JPT1: variants seen among roughly 807,000 people sequenced by gnomAD.
JPT1 encodes the protein androgen-regulated protein 2.
JPT1 carries 5 observed loss-of-function variants against 17.0 expected under a neutral mutation model. That is an observed-to-expected ratio of 0.29 (90% CI 0.15 to 0.62). JPT1 has a LOEUF of 0.62. JPT1 is among the 20% of genes least tolerant of loss of function. The pLI is 0.85. For missense variants in JPT1, 158 were observed against 188.1 expected (o/e 0.84, Z 0.94); for synonymous variants, 71 against 73.6 (o/e 0.96, Z 0.18).
rs752716132 is a variant in JPT1, at chr17:75,148,557, T to C, written c.171A>G (p.Glu57=). ...MASNIFGTPE[E]NQASWAKSAG... is the part of the protein sequence containing the mutation. The stretch of plus-strand genomic sequence containing the variant: ...CTGACTTGGCCCAAGAAGCTTGATT[T>C]TCTTCAGGTGTCCCAAAGATATTAG... The change falls in exon 2 of 5, where the codon GAA becomes GAG. Residue 57 remains glutamate (E), a synonymous_variant. Transcript: ENST00000409753. The C allele has an allele frequency of 1.9e-6, 3 of 1,614,106 alleles. No individual in the cohort carries two copies. The highest frequency in any genetic ancestry group is 2.5e-6 in the Non-Finnish European group (3 of 1,180,056).
At chr17:75,149,361 T>G (rs2074500866) in intron 1 of JPT1, among the ~76,000 whole-genome samples, 1 of 152,072 alleles carries the variant, frequency 6.6e-6, no homozygotes, top group Admixed American at 6.6e-5. Context: ...TCTCAAAATG[T>G]AAAAAGTAAA....
intron 4 of JPT1, 159 bp downstream of exon 4, chr17:75,146,480 GTTTTTTCCCTTCTATTATGTTTCTAGC>G: frequency 1.9e-6 from 1 of 520,634 alleles, no homozygotes; most frequent in Non-Finnish European, 3.5e-6. Context: ...AGGATTCTCT[GTTTTTTCCCTTCTATTATGTTTCTAGC>G]ATTGATCGCG....
intron 1 of JPT1, 106 bp from the exon 2 acceptor site, chr17:75,148,777 T>C: frequency 7.7e-7 from 1 of 1,290,586 alleles, no homozygotes. Context: ...TTCATCTCCC[T>C]CACCCCTACA....
intron 4 of JPT1, among the ~76,000 whole-genome samples, chr17:75,142,281 C>T (rs771696330): frequency 7.3e-5 from 11 of 151,278 alleles, no homozygotes; most frequent in South Asian, 4.2e-4. Context: ...TAGAACCGGC[C>T]GGGCCTGGTG....
intron 1 of JPT1, 92 bp downstream of exon 1, chr17:75,154,250 G>A (rs556830938): frequency 4.0e-4 from 422 of 1,066,494 alleles, no homozygotes; most frequent in Non-Finnish European, 4.9e-4. Flanking sequence ...CACGGGGCTC[G>A]TTACCCGCAA....
intron 4 of JPT1, among the ~76,000 whole-genome samples, chr17:75,141,515 T>C (rs1385940855): frequency 1.3e-5 from 2 of 151,072 alleles, no homozygotes; most frequent in Admixed American, 6.6e-5. Context: ...TAGCTAGGCA[T>C]GGTGGTGCAT....
chr17:75,144,807 C>T (rs563295161), intron 4 of JPT1, among the ~76,000 whole-genome samples: 3 of 152,126 alleles, frequency 2.0e-5, no homozygotes, highest in Admixed American at 1.3e-4. Context: ...CACTGATTGG[C>T]GTGTGGGGAG....
chr17:75,145,265 G>C (rs971597816), intron 4 of JPT1: 4 of 151,456 alleles, frequency 2.6e-5, no homozygotes, highest in African/African-American at 9.7e-5. Flanking sequence ...GTCCTTGTAA[G>C]CACACCACAA....
chr17:75,149,854 TACACACTTACAC>T lies in JPT1; in HGVS notation c.57-1195_57-1184del, dbSNP rs991916917. Among the ~76,000 whole-genome samples the T allele has an allele frequency of 8.6e-4, 47 of 54,442 alleles. 1 individual carries two copies. The highest frequency in any genetic ancestry group is 1.8e-3 in the African/African-American group (42 of 23,378). 35.7% of individuals were successfully genotyped at this position (54,442 alleles called of 152,430 possible). A position where few individuals can be genotyped will look rare whatever the true frequency, so the allele number is the denominator to read the frequency against. ...AGTGAGATCCCCATCTCTAATCACT[TACACACTTACAC>T]ACACACACACACACACACTTAAGTC... On this transcript the variant is annotated intron_variant, in intron 1 of 4. Transcript: ENST00000409753.
At chr17:75,150,843 C>CTTTCT (rs1399849308) in intron 1 of JPT1, among the ~76,000 whole-genome samples, 1 of 111,568 alleles carries the variant, frequency 9.0e-6, no homozygotes, top group African/African-American at 3.6e-5. Context: ...CAACATTTTT[C>CTTTCT]TTTCTTTTTT....
intron 4 of JPT1, among the ~76,000 whole-genome samples, chr17:75,140,466 C>T (rs550054526): frequency 3.5e-4 from 54 of 152,240 alleles, no homozygotes; most frequent in Middle Eastern, 3.4e-3. Flanking sequence ...CTAACTTGCC[C>T]GCAGTCAGGG....
chr17:75,136,325 TTTTC>T lies in JPT1; in HGVS notation c.317-79_317-76del, dbSNP rs767443245. 7.6e-6 allele frequency: 11 copies of T among 1,447,210 alleles called. No individual in the cohort carries two copies. The African/African-American group carries it at 1.3e-4, about 17-fold the overall frequency. The allele number at this position is 1,447,210 out of a possible 1,614,324, so 89.6% of individuals were successfully genotyped here. A position where few individuals can be genotyped will look rare whatever the true frequency, so the allele number is the denominator to read the frequency against. On this transcript the variant is annotated intron_variant, in intron 4 of 4. Coordinates refer to ENST00000409753, the MANE Select transcript of JPT1 (RefSeq NM_016185.4). ...GTTAAGATCAAGGATCTGTTTCTCT[TTTTC>T]TTTTTTTTTTGGTTTGATGGTTGGA...
chr17:75,148,785 ACAACAG>A, intron 1 of JPT1, 114 bp from the exon 2 acceptor site: 2 of 1,203,566 alleles, frequency 1.7e-6, no homozygotes, highest in Non-Finnish European at 2.3e-6. Flanking sequence ...CCTCACCCCT[ACAACAG>A]ATAGCTGCTA....
chr17:75,148,970 T>C (rs2074491688), intron 1 of JPT1: 1 of 1,256,656 alleles, frequency 8.0e-7, no homozygotes, highest in Non-Finnish European at 1.0e-6. Context: ...TTTTCAGAAA[T>C]GGCAAAAGAT....
chr17:75,150,975 TCTCGAGAAG>T (rs1364220816), intron 1 of JPT1, among the ~76,000 whole-genome samples: 1 of 148,936 alleles, frequency 6.7e-6, no homozygotes, highest in Non-Finnish European at 1.5e-5. Flanking sequence ...TGCCTTAGCC[TCTCGAGAAG>T]CTGGGACTAC....
At chr17:75,139,659 A>G (rs2074271254) in intron 4 of JPT1, among the ~76,000 whole-genome samples, 1 of 151,994 alleles carries the variant, frequency 6.6e-6, no homozygotes, top group South Asian at 2.1e-4. Context: ...CGTGTCTACA[A>G]AAGTACAAAA....
intron 4 of JPT1, chr17:75,145,354 CACTG>C (rs1297005195): frequency 6.6e-6 from 1 of 152,212 alleles, no homozygotes; most frequent in African/African-American, 2.4e-5. Context: ...TGCTGCACTT[CACTG>C]ACTGCTACTG....
intron 1 of JPT1, among the ~76,000 whole-genome samples, chr17:75,149,735 G>A (rs748192315): frequency 6.6e-6 from 1 of 151,998 alleles, no homozygotes; most frequent in African/African-American, 2.4e-5. Flanking sequence ...ACTTGGGCAC[G>A]ATCAGTAGCA....
rs750281866 is a variant in JPT1, at chr17:75,136,742, G to A, written c.317-492C>T. Among the ~76,000 whole-genome samples, 56 of 152,044 alleles carry A rather than the reference G, an allele frequency of 3.7e-4. 1 individual carries two copies. Among genetic ancestry groups the A allele is most frequent in the Non-Finnish European group, 5.7e-4 (39 of 68,006 alleles). ...CATGACCTTGTGATCCACCTGCCTCGGCCTCCCAAAGTGCTGGGATTACAG... is the reference window on the plus strand; with the variant it reads ...CATGACCTTGTGATCCACCTGCCTCAGCCTCCCAAAGTGCTGGGATTACAG... On this transcript the variant is annotated intron_variant, in intron 4 of 4. Coordinates refer to ENST00000409753, the MANE Select transcript of JPT1 (RefSeq NM_016185.4).
Sources: allele counts gnomAD v4.1 joint callset (sites outside exome capture counted in the v4.1 genomes callset), GRCh38; gene constraint gnomAD v4.1.1; transcripts MANE v1.5; gene names NCBI Gene and HGNC (gene_info 2026-07-23, HGNC 2026-07-21).